Variants in SERAC1 observed in about 807,000 individuals in gnomAD.
The protein encoded by SERAC1 is protein SERAC1.
In SERAC1, 36 loss-of-function variants were observed where a neutral mutation model predicts 85.7. The observed-to-expected ratio is 0.42, with a 90% confidence interval of 0.32 to 0.55. The LOEUF is 0.55. SERAC1 is among the 20% of genes least tolerant of loss of function. The probability of loss-of-function intolerance (pLI) is 0.11; values close to 1 mark genes in which losing one functional copy is unlikely to be tolerated. For missense variants in SERAC1, 629 were observed against 796.2 expected (o/e 0.79, Z 2.53); for synonymous variants, 242 against 265.3 (o/e 0.91, Z 0.85).
intron 2 of SERAC1, among the ~76,000 whole-genome samples, chr6:158,156,334 C>T (rs1323555695): frequency 6.6e-6 from 1 of 152,094 alleles, no homozygotes; most frequent in Non-Finnish European, 1.5e-5. Flanking sequence ...CAAAAATATT[C>T]AAATTCCTAG....
At chr6:158,148,325 T>C (rs550769795) in intron 5 of SERAC1, among the ~76,000 whole-genome samples, 2 of 152,308 alleles carry the variant, frequency 1.3e-5, no homozygotes, top group South Asian at 2.1e-4. Context: ...AAAACACTTA[T>C]CAAGAGAATA....
chr6:158,140,016 C>G (rs749084233), intron 8 of SERAC1, among the ~76,000 whole-genome samples: 10 of 152,136 alleles, frequency 6.6e-5, no homozygotes, highest in Non-Finnish European at 1.2e-4. Context: ...AGTTACTTAC[C>G]ATAACACCCA....
intron 8 of SERAC1, among the ~76,000 whole-genome samples, chr6:158,141,955 G>T (rs1040391127): frequency 6.6e-6 from 1 of 151,544 alleles, no homozygotes; most frequent in African/African-American, 2.4e-5. Flanking sequence ...GCATTTAATT[G>T]GTCAAAGAAT....
chr6:158,116,417 T>G, intron 13 of SERAC1, 135 bp from the exon 14 acceptor site: 1 of 648,302 alleles, frequency 1.5e-6, no homozygotes, highest in Non-Finnish European at 2.7e-6. Flanking sequence ...AATACCCCCA[T>G]TCTCTCTGCT....
intron 5 of SERAC1, among the ~76,000 whole-genome samples, chr6:158,147,321 C>G (rs1248072230): frequency 6.9e-6 from 1 of 144,992 alleles, no homozygotes; most frequent in African/African-American, 2.5e-5. Flanking sequence ...TTTTTTTTTT[C>G]TAGAGACAGG....
chr6:158,114,504 G>T, intron 15 of SERAC1: 1 of 1,172,160 alleles, frequency 8.5e-7, no homozygotes, highest in Non-Finnish European at 1.1e-6. Context: ...TTGGTAATTT[G>T]GAATAATACT....
intron 1 of SERAC1, among the ~76,000 whole-genome samples, chr6:158,163,029 C>T (rs1184599648): frequency 6.6e-6 from 1 of 152,160 alleles, no homozygotes; most frequent in Admixed American, 6.5e-5. Flanking sequence ...CTGTGACCAG[C>T]ACCATGTAAA....
chr6:158,156,074 C>T (rs950121769), intron 2 of SERAC1, among the ~76,000 whole-genome samples: 1 of 152,062 alleles, frequency 6.6e-6, no homozygotes, highest in Non-Finnish European at 1.5e-5. Context: ...GCTTGAACCA[C>T]GGAGGCAGAG....
At chr6:158,143,223 A>G in intron 7 of SERAC1, 39 bp from the exon 8 acceptor site, 1 of 1,593,454 alleles carries the variant, frequency 6.3e-7, no homozygotes, top group African/African-American at 1.4e-5. Context: ...TAAATACTCA[A>G]CAACTGAGTA....
chr6:158,163,080 A>G (rs371487205), intron 1 of SERAC1, among the ~76,000 whole-genome samples: 1 of 152,162 alleles, frequency 6.6e-6, no homozygotes, highest in South Asian at 2.1e-4. Context: ...AGAAATGTCC[A>G]ATATCCCCAT....
chr6:158,130,529 T>C (rs1784649975), intron 8 of SERAC1, 43 bp from the exon 9 acceptor site: 3 of 1,238,234 alleles, frequency 2.4e-6, no homozygotes, highest in Non-Finnish European at 3.4e-6. Context: ...AAAAAGTGAC[T>C]AATATTTTTG....
chr6:158,166,484 C>G (rs1371273317), intron 1 of SERAC1, among the ~76,000 whole-genome samples: 2 of 152,134 alleles, frequency 1.3e-5, no homozygotes, highest in Admixed American at 1.3e-4. Context: ...ATTCTTGGTC[C>G]CTTGCCTTTC....
chr6:158,131,716 C>A (rs193004929), intron 8 of SERAC1, among the ~76,000 whole-genome samples: 6 of 152,116 alleles, frequency 3.9e-5, no homozygotes, highest in Admixed American at 3.9e-4. Flanking sequence ...AGTGCACATG[C>A]CCTTTAATAA....
chr6:158,159,274 T>TG (rs1785427564), intron 1 of SERAC1: 1 of 151,962 alleles, frequency 6.6e-6, no homozygotes, highest in African/African-American at 2.4e-5. Context: ...GAGGCTGAGG[T>TG]GGGCAGATCA....
intron 8 of SERAC1, among the ~76,000 whole-genome samples, chr6:158,133,272 C>G (rs1301848143): frequency 6.6e-6 from 1 of 150,384 alleles, no homozygotes; most frequent in Non-Finnish European, 1.5e-5. Context: ...GCACCCCAGC[C>G]TGGGCAACAG....
chr6:158,166,832 T>C (rs141948777), intron 1 of SERAC1, among the ~76,000 whole-genome samples: 1 of 152,294 alleles, frequency 6.6e-6, no homozygotes, highest in Non-Finnish European at 1.5e-5. Context: ...ATTAAGGCCA[T>C]TTCTGACATC....
At chr6:158,136,626 C>T (rs1784800252) in intron 8 of SERAC1, among the ~76,000 whole-genome samples, 1 of 152,174 alleles carries the variant, frequency 6.6e-6, no homozygotes, top group African/African-American at 2.4e-5. Context: ...TCCTCAGTAG[C>T]TGGGACTACA....
intron 8 of SERAC1, among the ~76,000 whole-genome samples, chr6:158,142,432 T>TGGGCACTGGGATTACAGTTGTG (rs1784939690): frequency 6.6e-6 from 1 of 151,846 alleles, no homozygotes; most frequent in Non-Finnish European, 1.5e-5. Context: ...CACAAAGCAC[T>TGGGCACTGGGATTACAGTTGTG]GGGCACTGGG....
chr6:158,151,540 G>A (rs1191722598), intron 3 of SERAC1, among the ~76,000 whole-genome samples: 1 of 152,006 alleles, frequency 6.6e-6, no homozygotes, highest in Admixed American at 6.6e-5. Flanking sequence ...TCTCACCTCA[G>A]CCTCCCAAGT....
Sources: gnomAD v4.1 joint callset for allele counts (sites outside exome capture counted in the v4.1 genomes callset) on GRCh38, gnomAD v4.1.1 for gene constraint, MANE v1.5 for transcripts, NCBI Gene and HGNC (gene_info 2026-07-23, HGNC 2026-07-21) for gene names.